NEK9: variants seen among roughly 807,000 people sequenced by gnomAD.
The protein encoded by NEK9 is NIMA related kinase 9.
Under a neutral mutation model 123.4 loss-of-function variants are expected in NEK9, and 75 were observed. That is an observed-to-expected ratio of 0.61 (90% confidence interval 0.50 to 0.74). The LOEUF (loss-of-function observed/expected upper bound fraction) is 0.74. Among genes scored for constraint, NEK9 ranks in the 30% least tolerant of loss-of-function variants. The pLI is 0.00. For missense variants in NEK9, 952 were observed against 1,214.4 expected (o/e 0.78, Z 3.21); for synonymous variants, 438 against 458.7 (o/e 0.95, Z 0.58).
At chr14:75,106,299 C>T (rs1449396038) in intron 12 of NEK9, 6 of 540,734 alleles carry the variant, frequency 1.1e-5, no homozygotes, top group Non-Finnish European at 1.9e-5. Context: ...GTGGTGGTTG[C>T]AATGAGCCCA....
chr14:75,088,511 G>C lies in NEK9; in HGVS notation c.2573C>G (p.Pro858Arg), dbSNP rs1449442295. 1 of 1,614,056 alleles carries C rather than the reference G, an allele frequency of 6.2e-7. No individual in the cohort carries two copies. Among genetic ancestry groups the C allele is most frequent in the Non-Finnish European group, 8.5e-7 (1 of 1,179,988 alleles). ...LQGLKVASEA[P>R]LEHKPQVEAS... is the part of the protein sequence containing the mutation. ...TTCTACTTGGGGTTTGTGTTCCAAA[G>C]GAGCTTCAGAGGCCACTTTGAGTCC... Residue 858 changes from proline to arginine, a missense_variant, in exon 20 of 22, where the codon CCT becomes CGT. Physicochemically the swap from Pro to Arg is moderately radical, Grantham distance 103 (BLOSUM62 -2). This residue lies in a region of NEK9 where 698 missense variants were observed against 875.6 expected (regional missense o/e 0.80). Coordinates refer to ENST00000238616, the MANE Select transcript of NEK9 (RefSeq NM_033116.6).
intron 19 of NEK9, 90 bp downstream of exon 19, chr14:75,091,180 A>G (rs1894202552): frequency 9.3e-7 from 1 of 1,077,746 alleles, no homozygotes; most frequent in African/African-American, 1.6e-5. Context: ...TTTACTAGGT[A>G]CTTGGAAAAC....
Position 75,082,976 on chromosome 14 carries a change from A to T in NEK9, c.*1588T>A. On this transcript the variant is annotated 3_prime_UTR_variant, in exon 22 of 22. Coordinates refer to ENST00000238616, the MANE Select transcript of NEK9 (RefSeq NM_033116.6). ...TCCCAGAACTGAGAAAACAATGGGA[A>T]CATCAAACCAAAGAAGATCCCATTG... is the stretch of plus-strand genomic sequence containing the variant. The T allele has an allele frequency of 5.0e-6, 2 of 398,660 alleles. No individual in the cohort carries two copies. The highest frequency in any genetic ancestry group is 8.8e-6 in the Non-Finnish European group (2 of 226,072). The allele number at this position is 398,660 out of a possible 1,614,324, so 24.7% of individuals were successfully genotyped here.
chr14:75,089,922 C>T (rs1349577048), intron 19 of NEK9, among the ~76,000 whole-genome samples: 3 of 152,038 alleles, frequency 2.0e-5, no homozygotes, highest in Non-Finnish European at 4.4e-5. Flanking sequence ...TGGTCTTGAT[C>T]TCTTGACCTT....
At chr14:75,086,888 G>C (rs1232527834) in intron 21 of NEK9, 130 bp downstream of exon 21, 3 of 928,010 alleles carry the variant, frequency 3.2e-6, no homozygotes, top group African/African-American at 3.3e-5. Flanking sequence ...CCTGGCAACA[G>C]AGCGAGACTC....
chr14:75,119,418 A>G (rs1432827024), intron 4 of NEK9, among the ~76,000 whole-genome samples: 1 of 152,200 alleles, frequency 6.6e-6, no homozygotes, highest in African/African-American at 2.4e-5. Context: ...GCTATTTAAC[A>G]CTGAAGTGGG....
At position 75,083,306 on chromosome 14, in the gene NEK9, C is replaced by A. The variant is rs1270585729; in HGVS notation, c.*1258G>T. 2.6e-6 allele frequency: 1 copy of A among 389,408 alleles called. No homozygotes were observed. Among genetic ancestry groups the A allele is most frequent in the Non-Finnish European group, 4.5e-6 (1 of 220,798 alleles). The allele number at this position is 389,408 out of a possible 1,614,324, so 24.1% of individuals were successfully genotyped here. On this transcript the variant is annotated 3_prime_UTR_variant, in exon 22 of 22. Transcript: ENST00000238616. ...CCATCAAATACTTGCCTAGAACTTT[C>A]TATATGAAGTTTTGTTCTTCTATGA...
At chr14:75,092,928 C>T (rs552843741) in intron 18 of NEK9, among the ~76,000 whole-genome samples, 158 of 152,134 alleles carry the variant, frequency 1.0e-3, no homozygotes, top group African/African-American at 3.5e-3. Flanking sequence ...TGAGATCCTA[C>T]GGAAGCAGCA....
rs545354596 is a variant in NEK9 at position 75,107,045 on chromosome 14, C to A, written c.1327+298G>T. Among the ~76,000 whole-genome samples the A allele has an allele frequency of 7.9e-5, 12 of 152,152 alleles. No homozygotes were observed. In the East Asian group the frequency reaches 2.1e-3, roughly 27 times the overall value. ...ACCAAAACTAAACTTAGGTCTTGAT[C>A]CTAATTTTGTGTTATTCATAGCCTG... On this transcript the variant is annotated intron_variant, in intron 11 of 21. Transcript: ENST00000238616.
rs201574563 is a variant in NEK9 at position 75,101,690 on chromosome 14, C to A, written c.1807G>T (p.Ala603Ser). The stretch of plus-strand genomic sequence containing the variant: ...GCAGCTGTGTGAGTCTTGCCTGGGG[C>A]AATGGTACGGATCTTATAAAAGGAC... Reference protein sequence around the residue: ...QLSFYKIRTIAPGKTHTAAID... With the variant: ...QLSFYKIRTISPGKTHTAAID... The change falls in exon 15 of 22, where the codon GCC (alanine) becomes TCC (serine). Residue 603 changes from alanine to serine, a missense_variant. Transcript: ENST00000238616. 5.7e-5 allele frequency: 92 copies of A among 1,613,682 alleles called. No individual in the cohort carries two copies. The highest frequency in any genetic ancestry group is 6.5e-5 in the Non-Finnish European group (77 of 1,179,758).
Position 75,095,433 on chromosome 14 carries a change from T to G in NEK9, c.2174-2A>C. On this transcript the variant is annotated splice_acceptor_variant, in intron 17 of 21. Coordinates refer to ENST00000238616, the MANE Select transcript of NEK9 (RefSeq NM_033116.6). LOFTEE classifies it high-confidence loss of function. ...TGGTCTTAGAATTCAATACTTTCTC[T>G]GAGAAAAAATATTTGGTAGGTAAGC... 6.2e-7 allele frequency: 1 copy of G among 1,611,164 alleles called. No individual in the cohort carries two copies. Among genetic ancestry groups the G allele is most frequent in the Non-Finnish European group, 8.5e-7 (1 of 1,177,838 alleles).
At chr14:75,106,918 T>C (rs1481965193) in intron 11 of NEK9, among the ~76,000 whole-genome samples, 2 of 152,174 alleles carry the variant, frequency 1.3e-5, no homozygotes, top group African/African-American at 4.8e-5. Flanking sequence ...TAAAAAGTGG[T>C]AGCATTATCA....
rs557478273 is a variant in NEK9 at position 75,084,102 on chromosome 14, G to A, written c.*462C>T. 9.1e-5 allele frequency: 16 copies of A among 175,454 alleles called. No homozygotes were observed. The highest frequency in any genetic ancestry group is 6.0e-4 in the Admixed American group (11 of 18,380). The allele number at this position is 175,454 out of a possible 1,614,324, so 10.9% of individuals were successfully genotyped here. On this transcript the variant is annotated 3_prime_UTR_variant, in exon 22 of 22. Coordinates refer to ENST00000238616, the MANE Select transcript of NEK9 (RefSeq NM_033116.6). ...CACCACTCTGCAGAGGACACTGGGCGGGCCACACCTGATTCCAGCCCACTC... is the reference window on the plus strand; with the variant it reads ...CACCACTCTGCAGAGGACACTGGGCAGGCCACACCTGATTCCAGCCCACTC...
intron 10 of NEK9, 124 bp from the exon 11 acceptor site, chr14:75,107,611 C>T: frequency 1.3e-6 from 1 of 746,916 alleles, no homozygotes; most frequent in Non-Finnish European, 2.0e-6. Flanking sequence ...TCAAGTGATC[C>T]TCCTGCCTCG....
At position 75,109,682 on chromosome 14, in the gene NEK9, T is replaced by C; in HGVS notation, c.1182+3A>G. 1.9e-6 allele frequency: 3 copies of C among 1,609,990 alleles called. No homozygotes were observed. The highest frequency in any genetic ancestry group is 2.5e-6 in the Non-Finnish European group (3 of 1,178,764). ...TGTTCCAAAATGCTTAGCGTTCACTTACCACCCAAGTGTACAGTTCCTTCT... is the reference window on the plus strand; with the variant it reads ...TGTTCCAAAATGCTTAGCGTTCACTCACCACCCAAGTGTACAGTTCCTTCT... On this transcript the variant is annotated splice_donor_region_variant and intron_variant, in intron 10 of 21. Coordinates refer to ENST00000238616, the MANE Select transcript of NEK9 (RefSeq NM_033116.6).
intron 12 of NEK9, 64 bp from the exon 13 acceptor site, chr14:75,106,060 G>C: frequency 6.9e-7 from 1 of 1,445,016 alleles, no homozygotes; most frequent in African/African-American, 1.4e-5. Context: ...AATAGGTTCT[G>C]TAAGATTCTC....
chr14:75,114,446 C>T (rs979759953), intron 6 of NEK9, 133 bp from the exon 7 acceptor site: 2 of 679,472 alleles, frequency 2.9e-6, no homozygotes, highest in African/African-American at 1.8e-5. Flanking sequence ...GTTATAACTA[C>T]TAGTATGCAT....
chr14:75,103,632 A>G (rs940923705), intron 14 of NEK9, among the ~76,000 whole-genome samples: 2 of 152,184 alleles, frequency 1.3e-5, no homozygotes, highest in African/African-American at 4.8e-5. Context: ...TTCTGCCAGT[A>G]TAAGTTAATT....
chr14:75,094,527 G>A (rs1255768748), intron 18 of NEK9, among the ~76,000 whole-genome samples: 10 of 152,184 alleles, frequency 6.6e-5, no homozygotes, highest in Non-Finnish European at 2.9e-5. Flanking sequence ...TGGGCATGGT[G>A]GCTCATGCCT....
Sources: allele counts gnomAD v4.1 joint callset (sites outside exome capture counted in the v4.1 genomes callset), GRCh38; gene constraint gnomAD v4.1.1; regional missense constraint gnomAD v4.1.1; transcripts MANE v1.5; gene names NCBI Gene and HGNC (gene_info 2026-07-23, HGNC 2026-07-21).